SLC24A3: variants seen among roughly 807,000 people sequenced by gnomAD.
The protein encoded by SLC24A3 is solute carrier family 24 member 3, also known as sodium/potassium/calcium exchanger 3.
SLC24A3 carries 28 observed loss-of-function variants against 75.8 expected under a neutral mutation model. That is an observed-to-expected ratio of 0.37 (90% CI 0.27 to 0.51). The LOEUF (loss-of-function observed/expected upper bound fraction) is 0.51. Among genes scored for constraint, SLC24A3 ranks in the 20% least tolerant of loss-of-function variants. The pLI, the probability that SLC24A3 is intolerant of heterozygous loss-of-function variation, is 0.94. For synonymous variants in SLC24A3, 372 were observed against 334.1 expected (o/e 1.11, Z -1.24); for missense variants, 663 against 847.8 (o/e 0.78, Z 2.71).
intron 2 of SLC24A3, among the ~76,000 whole-genome samples, chr20:19,398,559 A>G (rs563459625): frequency 6.6e-6 from 1 of 152,310 alleles, no homozygotes; most frequent in African/African-American, 2.4e-5. Context: ...ACTCACATAT[A>G]TGTTCTAATA....
At chr20:19,584,922 C>T (rs1306637057) in intron 4 of SLC24A3, 49 bp from the exon 5 acceptor site, 11 of 1,547,554 alleles carry the variant, frequency 7.1e-6, no homozygotes, top group East Asian at 2.3e-5. Flanking sequence ...CACCTCTCTT[C>T]CGAGATGGAA....
At chr20:19,256,460 G>A (rs1322746292) in intron 1 of SLC24A3, among the ~76,000 whole-genome samples, 3 of 152,106 alleles carry the variant, frequency 2.0e-5, no homozygotes, top group Non-Finnish European at 4.4e-5. Flanking sequence ...AATTGTACAC[G>A]TTACATGGGT....
At chr20:19,348,458 A>C (rs1985484326) in intron 2 of SLC24A3, among the ~76,000 whole-genome samples, 1 of 152,084 alleles carries the variant, frequency 6.6e-6, no homozygotes, top group Non-Finnish European at 1.5e-5. Flanking sequence ...TCATCACAGA[A>C]AGTTCTGTTG....
chr20:19,422,482 C>T lies in SLC24A3; in HGVS notation c.272-93006C>T, dbSNP rs376795827. Among the ~76,000 whole-genome samples the T allele has an allele frequency of 4.6e-5, 7 of 152,274 alleles. No homozygotes were observed. In the South Asian group the frequency reaches 1.5e-3, roughly 32 times the overall value. On this transcript the variant is annotated intron_variant, in intron 2 of 16. Transcript: ENST00000328041. ...CTGAGGATGCTTGTGATCAGTGGGGCTGTCAGGAACCTGGCTTCTGACCTG... is the reference window on the plus strand; with the variant it reads ...CTGAGGATGCTTGTGATCAGTGGGGTTGTCAGGAACCTGGCTTCTGACCTG...
At chr20:19,660,694 G>T (rs557454203) in intron 7 of SLC24A3, among the ~76,000 whole-genome samples, 1 of 152,106 alleles carries the variant, frequency 6.6e-6, no homozygotes, top group South Asian at 2.1e-4. Context: ...TCTACTTTCA[G>T]TTCTTTAAGA....
intron 1 of SLC24A3, among the ~76,000 whole-genome samples, chr20:19,276,570 C>T (rs1173679747): frequency 6.6e-6 from 1 of 152,158 alleles, no homozygotes; most frequent in Non-Finnish European, 1.5e-5. Flanking sequence ...TGTATCTAAA[C>T]ATATCTAAAT....
At chr20:19,242,084 T>G (rs1241281071) in intron 1 of SLC24A3, among the ~76,000 whole-genome samples, 1 of 152,144 alleles carries the variant, frequency 6.6e-6, no homozygotes, top group Non-Finnish European at 1.5e-5. Context: ...ATCTCCATCA[T>G]GGACTCTCAT....
At chr20:19,696,723 C>CTCCA in intron 13 of SLC24A3, 74 bp from the exon 14 acceptor site, 1 of 984,956 alleles carries the variant, frequency 1.0e-6, no homozygotes, top group Non-Finnish European at 1.6e-6. Context: ...TGTTGTGAGT[C>CTCCA]TCCATCAGAA....
At position 19,304,059 on chromosome 20, in the gene SLC24A3, T is replaced by G. The variant is rs569195521; in HGVS notation, c.271+22972T>G. On this transcript the variant is annotated intron_variant, in intron 2 of 16. Transcript: ENST00000328041. ...AGGATGCAGCCATTTCTGTCTTTGG[T>G]TAGCATCCTTCTTTAATTTCAACGG... 7.6e-4 allele frequency among the ~76,000 whole-genome samples: 115 copies of G among 152,214 alleles called. 1 individual carries two copies. The highest frequency in any genetic ancestry group is 1.4e-3 in the Non-Finnish European group (98 of 68,046).
At chr20:19,314,337 A>G (rs1984531494) in intron 2 of SLC24A3, among the ~76,000 whole-genome samples, 1 of 87,420 alleles carries the variant, frequency 1.1e-5, no homozygotes, top group Non-Finnish European at 2.9e-5. Flanking sequence ...TTTTTGAGAC[A>G]GGGTCTCAGT....
At chr20:19,586,254 C>T (rs2031294240) in intron 6 of SLC24A3, among the ~76,000 whole-genome samples, 2 of 152,206 alleles carry the variant, frequency 1.3e-5, no homozygotes, top group Non-Finnish European at 2.9e-5. Flanking sequence ...GCAGGGTTTG[C>T]AACTGTTTTG....
chr20:19,386,866 G>A (rs983614389), intron 2 of SLC24A3, among the ~76,000 whole-genome samples: 5 of 152,220 alleles, frequency 3.3e-5, no homozygotes, highest in Middle Eastern at 3.4e-3. Flanking sequence ...ATATTGGCCT[G>A]TAGTATTCTT....
chr20:19,492,623 T>C (rs1019882198), intron 2 of SLC24A3, among the ~76,000 whole-genome samples: 1 of 152,226 alleles, frequency 6.6e-6, no homozygotes, highest in African/African-American at 2.4e-5. Context: ...GTTTCCTGCA[T>C]CTCATATTTA....
At chr20:19,609,970 C>T (rs1157002418) in intron 6 of SLC24A3, among the ~76,000 whole-genome samples, 1 of 152,094 alleles carries the variant, frequency 6.6e-6, no homozygotes, top group African/African-American at 2.4e-5. Context: ...TCCTCTGTTT[C>T]TACTCACTGA....
intron 1 of SLC24A3, among the ~76,000 whole-genome samples, chr20:19,219,368 G>A (rs1021648251): frequency 1.3e-5 from 2 of 152,130 alleles, no homozygotes; most frequent in South Asian, 2.1e-4. Flanking sequence ...CGTAAGACAC[G>A]GGGACCTTCA....
At chr20:19,244,753 A>G (rs940533289) in intron 1 of SLC24A3, among the ~76,000 whole-genome samples, 16 of 152,218 alleles carry the variant, frequency 1.1e-4, no homozygotes, top group African/African-American at 3.4e-4. Flanking sequence ...AATAGACAAG[A>G]TAACCTGAAA....
chr20:19,648,478 C>T (rs1208038564), intron 6 of SLC24A3, among the ~76,000 whole-genome samples: 1 of 149,720 alleles, frequency 6.7e-6, no homozygotes, highest in Non-Finnish European at 1.5e-5. Context: ...CAAATACTCA[C>T]AAATCGAGAA....
chr20:19,719,852 G>A (rs765245116), intron 16 of SLC24A3, among the ~76,000 whole-genome samples: 6 of 152,126 alleles, frequency 3.9e-5, no homozygotes, highest in Non-Finnish European at 7.3e-5. Context: ...TGGATGCCCC[G>A]GAGTGACTCC....
chr20:19,598,962 A>G (rs2031488102), intron 6 of SLC24A3, among the ~76,000 whole-genome samples: 1 of 151,982 alleles, frequency 6.6e-6, no homozygotes, highest in South Asian at 2.1e-4. Context: ...TGCTATTTTT[A>G]TTTTAAATTA....
Sources: allele counts gnomAD v4.1 joint callset (sites outside exome capture counted in the v4.1 genomes callset), GRCh38; gene constraint gnomAD v4.1.1; transcripts MANE v1.5; gene names NCBI Gene and HGNC (gene_info 2026-07-23, HGNC 2026-07-21).